SUZ12: variants seen among roughly 807,000 people sequenced by gnomAD.
The protein encoded by SUZ12 is polycomb protein SUZ12.
SUZ12 carries 17 observed loss-of-function variants against 87.3 expected under a neutral mutation model. The ratio of observed to expected loss-of-function variants is 0.19; its 90% CI spans 0.13 to 0.29. SUZ12 has a LOEUF of 0.29. Ranked by LOEUF, SUZ12 falls within the 10% of genes least tolerant of loss-of-function variation. The pLI is 1.00. For synonymous variants in SUZ12, 253 were observed against 312.4 expected (o/e 0.81, Z 2.01); for missense variants, 526 against 912.2 (o/e 0.58, Z 5.45).
chr17:31,958,957 G>T (rs1037677811), intron 4 of SUZ12, among the ~76,000 whole-genome samples: 2 of 152,250 alleles, frequency 1.3e-5, no homozygotes, highest in Admixed American at 6.5e-5. Flanking sequence ...GGTGGAGGTT[G>T]CAGTGAGCAG....
At chr17:31,955,256 C>T (rs1391642401) in intron 4 of SUZ12, among the ~76,000 whole-genome samples, 3 of 152,010 alleles carry the variant, frequency 2.0e-5, no homozygotes, top group Admixed American at 1.3e-4. Context: ...GCACATGCTA[C>T]CATGTCCCAC....
chr17:31,975,998 G>A (rs1219666439), intron 7 of SUZ12, among the ~76,000 whole-genome samples: 3 of 152,044 alleles, frequency 2.0e-5, no homozygotes, highest in Admixed American at 6.6e-5. Context: ...TCCAACAATT[G>A]TGAATTCATC....
chr17:31,950,121 G>A (rs2142132986), intron 4 of SUZ12, among the ~76,000 whole-genome samples: 1 of 152,128 alleles, frequency 6.6e-6, no homozygotes, highest in Admixed American at 6.6e-5. Context: ...CAAGTAGCAG[G>A]GATTACAGGT....
chr17:31,996,682 C>T (rs1402348922), intron 14 of SUZ12, 116 bp from the exon 15 acceptor site: 2 of 613,236 alleles, frequency 3.3e-6, no homozygotes, highest in South Asian at 4.9e-5. Context: ...AGAAATGTTG[C>T]CACTTTGCTG....
chr17:31,949,473 G>A (rs1906816953), intron 4 of SUZ12, among the ~76,000 whole-genome samples: 1 of 151,916 alleles, frequency 6.6e-6, no homozygotes, highest in African/African-American at 2.4e-5. Context: ...AAGAAAGTGT[G>A]TCATTTTAAA....
intron 8 of SUZ12, among the ~76,000 whole-genome samples, chr17:31,982,563 G>A (rs1018232385): frequency 3.3e-5 from 5 of 152,164 alleles, no homozygotes; most frequent in African/African-American, 1.2e-4. Flanking sequence ...GGAGGCTGAG[G>A]CAGGAGAATC....
At chr17:31,951,893 G>C (rs566581634) in intron 4 of SUZ12, among the ~76,000 whole-genome samples, 1 of 151,208 alleles carries the variant, frequency 6.6e-6, no homozygotes, top group South Asian at 2.1e-4. Context: ...TCCTGCCGCA[G>C]CCTCCCTAGT....
At chr17:31,971,461 CTT>C (rs1908427475) in intron 5 of SUZ12, among the ~76,000 whole-genome samples, 2 of 126,458 alleles carry the variant, frequency 1.6e-5, no homozygotes, top group South Asian at 2.6e-4. Flanking sequence ...GAGTTTCGCT[CTT>C]GTTGCCCAGG....
At chr17:31,964,224 A>G (rs1395717632) in intron 4 of SUZ12, among the ~76,000 whole-genome samples, 2 of 151,558 alleles carry the variant, frequency 1.3e-5, no homozygotes, top group Non-Finnish European at 2.9e-5. Context: ...ATTGGGTTTC[A>G]CCGTGTTAGC....
At chr17:31,997,060 G>T (rs914721087) in intron 15 of SUZ12, among the ~76,000 whole-genome samples, 183 bp downstream of exon 15, 2 of 151,724 alleles carry the variant, frequency 1.3e-5, no homozygotes, top group South Asian at 2.1e-4. Context: ...GTACAAAGAC[G>T]TTCCTTTTGG....
chr17:31,951,885 C>T (rs1217690794), intron 4 of SUZ12, among the ~76,000 whole-genome samples: 1 of 151,494 alleles, frequency 6.6e-6, no homozygotes, highest in Non-Finnish European at 1.5e-5. Flanking sequence ...AGAGATTCTC[C>T]TGCCGCAGCC....
chr17:31,943,015 ATAGT>A (rs1025136645), intron 3 of SUZ12, among the ~76,000 whole-genome samples: 1 of 152,242 alleles, frequency 6.6e-6, no homozygotes, highest in African/African-American at 2.4e-5. Context: ...ATAGCAAGAC[ATAGT>A]TGAGTTGTGT....
intron 7 of SUZ12, among the ~76,000 whole-genome samples, chr17:31,975,973 C>G (rs1308870616): frequency 1.3e-5 from 2 of 152,234 alleles, no homozygotes; most frequent in African/African-American, 4.8e-5. Context: ...ATCCCCCTGC[C>G]CATCCCTCTT....
chr17:31,954,973 T>A (rs8077092), intron 4 of SUZ12, among the ~76,000 whole-genome samples: 202 of 152,266 alleles, frequency 1.3e-3, no homozygotes, highest in African/African-American at 4.7e-3. Context: ...GAAAGTCGTT[T>A]GTTCGTTCTT....
intron 6 of SUZ12, among the ~76,000 whole-genome samples, chr17:31,973,548 G>C (rs1296009630): frequency 6.6e-6 from 1 of 152,160 alleles, no homozygotes; most frequent in African/African-American, 2.4e-5. Context: ...TTAGCTGTTT[G>C]TACCCATTGA....
intron 3 of SUZ12, among the ~76,000 whole-genome samples, chr17:31,945,417 C>T (rs1438608351): frequency 6.6e-6 from 1 of 152,182 alleles, no homozygotes; most frequent in Non-Finnish European, 1.5e-5. Context: ...TAGGCTAACA[C>T]TGCCCCAACA....
intron 8 of SUZ12, among the ~76,000 whole-genome samples, chr17:31,980,563 C>T (rs528155524): frequency 6.7e-5 from 10 of 150,146 alleles, no homozygotes; most frequent in African/African-American, 2.2e-4. Context: ...GATTCTCCTG[C>T]CTCAGCCTCC....
At chr17:31,956,465 A>T (rs1369053114) in intron 4 of SUZ12, among the ~76,000 whole-genome samples, 1 of 152,202 alleles carries the variant, frequency 6.6e-6, no homozygotes, top group Admixed American at 6.5e-5. Context: ...CTGGGATTAC[A>T]GGCATAAGCC....
intron 4 of SUZ12, among the ~76,000 whole-genome samples, chr17:31,964,320 C>G (rs1451095878): frequency 6.4e-3 from 967 of 151,618 alleles, no homozygotes; most frequent in African/African-American, 0.022. Context: ...CCACCGCACC[C>G]AGCCCCTAGC....
Sources: gnomAD v4.1 joint callset for allele counts (sites outside exome capture counted in the v4.1 genomes callset) on GRCh38, gnomAD v4.1.1 for gene constraint, MANE v1.5 for transcripts, NCBI Gene and HGNC (gene_info 2026-07-23, HGNC 2026-07-21) for gene names.